Variants in ITGA11 observed in about 807,000 individuals in gnomAD.
ITGA11 encodes the protein integrin alpha-11.
In ITGA11, 97 loss-of-function variants were observed where a neutral mutation model predicts 141.9. The observed-to-expected ratio is 0.68, with a 90% CI of 0.58 to 0.81. The LOEUF (loss-of-function observed/expected upper bound fraction) is 0.81. ITGA11 is among the 30% of genes least tolerant of loss of function. ITGA11 has a pLI of 0.00. For missense variants in ITGA11, 1,387 were observed against 1,559.2 expected, an observed-to-expected ratio of 0.89 and a Z score of 1.86; for synonymous variants, 658 against 624.6, an observed-to-expected ratio of 1.05 and a Z score of -0.80.
rs1326867535 is a variant in ITGA11 at position 68,305,721 on chromosome 15, GGTCT to G, written c.3381+1623_3381+1626del. Among the ~76,000 whole-genome samples, 1 of 152,200 alleles carries G rather than the reference GGTCT, an allele frequency of 6.6e-6. No individual in the cohort carries two copies. The highest frequency in any genetic ancestry group is 1.5e-5 in the Non-Finnish European group (1 of 68,036). On this transcript the variant is annotated intron_variant, in intron 28 of 29. Coordinates refer to ENST00000315757, the MANE Select transcript of ITGA11 (RefSeq NM_001004439.2). This position sits in a 1 kb window ranked among gnomAD's most constrained non-coding sequence, Gnocchi z 4.6. ...GGGACAGTGCCTCACAGTGTTGAGA[GGTCT>G]GTCACCATGTTCAGCACACAGCTGG...
At chr15:68,355,524 G>A (rs887576542) in intron 7 of ITGA11, among the ~76,000 whole-genome samples, 1 of 151,128 alleles carries the variant, frequency 6.6e-6, no homozygotes, top group African/African-American at 2.4e-5. Flanking sequence ...TTGGCTCACC[G>A]CAGCCTCTGC....
chr15:68,401,224 A>C (rs1896501823), intron 2 of ITGA11, among the ~76,000 whole-genome samples: 1 of 151,984 alleles, frequency 6.6e-6, no homozygotes, highest in Non-Finnish European at 1.5e-5. Flanking sequence ...TAGTGAAGAC[A>C]TGTCACAACC....
chr15:68,361,548 G>A, intron 5 of ITGA11, 42 bp downstream of exon 5: 1 of 1,328,564 alleles, frequency 7.5e-7, no homozygotes, highest in African/African-American at 1.4e-5. Flanking sequence ...TCTCTGGACT[G>A]TCCACTGCTC....
At chr15:68,311,116 A>G in intron 25 of ITGA11, 36 bp from the exon 26 acceptor site, 1 of 1,517,900 alleles carries the variant, frequency 6.6e-7, no homozygotes, top group Non-Finnish European at 9.1e-7. Flanking sequence ...ACACATACAC[A>G]GCCTCACAAC....
chr15:68,327,130 C>T (rs1894001778), intron 16 of ITGA11, among the ~76,000 whole-genome samples: 1 of 151,944 alleles, frequency 6.6e-6, no homozygotes, highest in African/African-American at 2.4e-5. Flanking sequence ...CAACCCCCTC[C>T]GCCTCTCCCT....
rs1893612728 is a variant in ITGA11 at position 68,317,272 on chromosome 15, T to TTGGCCC, written c.2702_2707dup (p.Arg901_Ala902dup). ...ATTGTCCCCAGTCTCAACCTTGGCC[T>TTGGCCC]TGGCCCGGAAGAAGGGATAGCTGAC... On this transcript the variant is annotated inframe_insertion, in exon 21 of 30. Coordinates refer to ENST00000315757, the MANE Select transcript of ITGA11 (RefSeq NM_001004439.2). The TTGGCCC allele has an allele frequency of 6.3e-7, 1 of 1,596,912 alleles. No homozygotes were observed. The highest frequency in any genetic ancestry group is 1.3e-5 in the African/African-American group (1 of 74,594).
At chr15:68,317,239 T>C (rs746679373) in intron 21 of ITGA11, 26 bp downstream of exon 21, 4 of 783,570 alleles carry the variant, frequency 5.1e-6, no homozygotes, top group African/African-American at 1.8e-5. Context: ...ACCCTGACCC[T>C]CCCCCACATT....
chr15:68,376,131 G>A (rs550298900), intron 2 of ITGA11, among the ~76,000 whole-genome samples: 20 of 152,260 alleles, frequency 1.3e-4, no homozygotes, highest in Non-Finnish European at 2.4e-4. Context: ...GAGGCATGGC[G>A]ACTCTCACTG....
chr15:68,341,353 A>G lies in ITGA11; in HGVS notation c.1132-1709T>C, dbSNP rs577732696. Among the ~76,000 whole-genome samples, 6 of 152,316 alleles carry G rather than the reference A, an allele frequency of 3.9e-5. No homozygotes were observed. In the South Asian group the frequency reaches 1.2e-3, roughly 32 times the overall value. ...CATTCCTGCACGTGGGGTGTGCTCT[A>G]TTCTTTGTGGAGTACTTTCTCATCT... is the stretch of plus-strand genomic sequence containing the variant. On this transcript the variant is annotated intron_variant, in intron 10 of 29. Coordinates refer to ENST00000315757, the MANE Select transcript of ITGA11 (RefSeq NM_001004439.2).
rs151302117 is a variant in ITGA11, at chr15:68,380,529, T to A, written c.165-11245A>T. The stretch of plus-strand genomic sequence containing the variant: ...CCCGATGAATTTAGTGTGGAGAACA[T>A]GCCGCAAGAGGGGTCTCCAGGTGTG... On this transcript the variant is annotated intron_variant, in intron 2 of 29. Transcript: ENST00000315757. Among the ~76,000 whole-genome samples, 66 of 152,330 alleles carry A rather than the reference T, an allele frequency of 4.3e-4. No individual in the cohort carries two copies. The East Asian group carries it at 0.012, about 28-fold the overall frequency.
chr15:68,416,966 T>A (rs1896902769), intron 1 of ITGA11, among the ~76,000 whole-genome samples: 1 of 152,202 alleles, frequency 6.6e-6, no homozygotes, highest in Non-Finnish European at 1.5e-5. Context: ...CTAGTGTATT[T>A]TTCCATCTTA....
At chr15:68,425,942 A>T (rs1280312385) in intron 1 of ITGA11, among the ~76,000 whole-genome samples, 1 of 152,260 alleles carries the variant, frequency 6.6e-6, no homozygotes, top group African/African-American at 2.4e-5. Context: ...TTCACCCCAC[A>T]TGCCACGTGG....
In ITGA11 at chr15:68,376,130, C is replaced by T. The variant is rs530614464; in HGVS notation, c.165-6846G>A. On this transcript the variant is annotated intron_variant, in intron 2 of 29. Coordinates refer to ENST00000315757, the MANE Select transcript of ITGA11 (RefSeq NM_001004439.2). Reference sequence around the variant, plus strand: ...TTATATGGGGGAAACAGAGGCATGGCGACTCTCACTGGGCTCAAAGCCCCA... The same window carrying T: ...TTATATGGGGGAAACAGAGGCATGGTGACTCTCACTGGGCTCAAAGCCCCA... 3.6e-4 allele frequency among the ~76,000 whole-genome samples: 55 copies of T among 152,180 alleles called. 1 individual carries two copies. The highest frequency in any genetic ancestry group is 3.1e-3 in the Admixed American group (48 of 15,288).
chr15:68,331,743 T>C (rs941321411), intron 14 of ITGA11, 116 bp downstream of exon 14: 1 of 916,682 alleles, frequency 1.1e-6, no homozygotes, highest in African/African-American at 1.7e-5. Context: ...TTGGCATCCG[T>C]TTCTGTGAGA....
At chr15:68,397,511 TATATTTAAAATATTATAAA>T (rs1340768988) in intron 2 of ITGA11, among the ~76,000 whole-genome samples, 11 of 70,316 alleles carry the variant, frequency 1.6e-4, no homozygotes, top group African/African-American at 8.8e-4. Context: ...TATTTTAAAA[TATATTTAAAATATTATAAA>T]ATATTTAAAA....
chr15:68,391,359 C>T (rs1262018289), intron 2 of ITGA11, among the ~76,000 whole-genome samples: 1 of 152,228 alleles, frequency 6.6e-6, no homozygotes, highest in Admixed American at 6.5e-5. Context: ...GCAAAAGCTA[C>T]CAGGAGTTGG....
rs1181249406 is a variant in ITGA11 at position 68,299,679 on chromosome 15, C to T, written c.*3380G>A. ...GTCTCCATTAGAGGCTGCTTGGCAT[C>T]CTGGGATTGAAGCCAGGGGACTGAC... On this transcript the variant is annotated 3_prime_UTR_variant, in exon 30 of 30. Coordinates refer to ENST00000315757, the MANE Select transcript of ITGA11 (RefSeq NM_001004439.2). 1 of 152,166 alleles carries T rather than the reference C, an allele frequency of 6.6e-6. No individual in the cohort carries two copies. Among genetic ancestry groups the T allele is most frequent in the African/African-American group, 2.4e-5 (1 of 41,432 alleles). 9.4% of individuals were successfully genotyped at this position (152,166 alleles called of 1,614,324 possible).
intron 2 of ITGA11, among the ~76,000 whole-genome samples, chr15:68,372,406 A>G (rs1416294776): frequency 1.3e-5 from 2 of 151,960 alleles, no homozygotes; most frequent in East Asian, 3.9e-4. Flanking sequence ...TTGATACCCT[A>G]TACCTCCTGG....
chr15:68,402,001 C>A lies in ITGA11; in HGVS notation c.164+917G>T, dbSNP rs545276880. ...AAGATCTGGGGAAACAGCAATGCTG[C>A]GATTGTGCCATGTGGCTGGAGCATT... On this transcript the variant is annotated intron_variant, in intron 2 of 29. Transcript: ENST00000315757. 1.2e-4 allele frequency among the ~76,000 whole-genome samples: 16 copies of A among 134,886 alleles called. No individual in the cohort carries two copies. The South Asian group carries it at 3.5e-3, about 29-fold the overall frequency. 88.5% of individuals were successfully genotyped at this position (134,886 alleles called of 152,430 possible). A position where few individuals can be genotyped will look rare whatever the true frequency, so the allele number is the denominator to read the frequency against.
Sources: gnomAD v4.1 joint callset for allele counts (sites outside exome capture counted in the v4.1 genomes callset) on GRCh38, gnomAD v4.1.1 for gene constraint, Gnocchi (gnomAD v3.1) non-coding constraint, MANE v1.5 for transcripts, NCBI Gene and HGNC (gene_info 2026-07-23, HGNC 2026-07-21) for gene names.